Variants in MCU observed in about 807,000 individuals in gnomAD.
MCU encodes mitochondrial calcium uniporter, also known as calcium uniporter protein, mitochondrial.
MCU carries 12 observed loss-of-function variants against 45.2 expected under a neutral mutation model. That is an observed-to-expected ratio of 0.27 (90% confidence interval 0.17 to 0.43). The LOEUF (loss-of-function observed/expected upper bound fraction) is 0.43, where lower values mean the gene tolerates loss of function less well. Ranked by LOEUF, MCU falls within the 20% of genes least tolerant of loss-of-function variation. The pLI is 1.00. For synonymous variants in MCU, 160 were observed against 165.1 expected (o/e 0.97, Z 0.24); for missense variants, 324 against 436.7 (o/e 0.74, Z 2.30).
At chr10:72,803,676 A>C (rs1384666197) in intron 1 of MCU, among the ~76,000 whole-genome samples, 6 of 151,918 alleles carry the variant, frequency 3.9e-5, no homozygotes, top group Non-Finnish European at 7.4e-5. Flanking sequence ...ACCTAACTTC[A>C]TCAGTTACCA....
Position 72,882,907 on chromosome 10 carries a change from A to C in MCU, c.862-1359A>C, listed in dbSNP as rs1400403525. Among the ~76,000 whole-genome samples the C allele has an allele frequency of 2.6e-5, 4 of 152,244 alleles. No individual in the cohort carries two copies. The East Asian group carries it at 7.7e-4, about 29-fold the overall frequency. ...CATGTGATGTCCCCCCCGGATGCCC[A>C]GCTTTAAAATTTCTCTCTTTTGTAT... On this transcript the variant is annotated intron_variant, in intron 6 of 7. Coordinates refer to ENST00000373053, the MANE Select transcript of MCU (RefSeq NM_138357.3).
chr10:72,750,782 G>A (rs1256034007), intron 1 of MCU, among the ~76,000 whole-genome samples: 3 of 152,112 alleles, frequency 2.0e-5, no homozygotes, highest in South Asian at 4.1e-4. Context: ...TTTGAATTCA[G>A]TTCTTCCTCT....
Position 72,709,065 on chromosome 10 carries a change from G to T in MCU, c.150+16764G>T, listed in dbSNP as rs1330309331. Among the ~76,000 whole-genome samples, 6 of 152,110 alleles carry T rather than the reference G, an allele frequency of 3.9e-5. No homozygotes were observed. The East Asian group carries it at 1.2e-3, about 29-fold the overall frequency. ...GTGGCATCTACCTGGCATGATTGGT[G>T]GGGGTATGGGCCATGCTGGACACTG... is the stretch of plus-strand genomic sequence containing the variant. On this transcript the variant is annotated intron_variant, in intron 1 of 7. Coordinates refer to ENST00000373053, the MANE Select transcript of MCU (RefSeq NM_138357.3).
At chr10:72,808,512 T>G (rs1233885254) in intron 1 of MCU, among the ~76,000 whole-genome samples, 1 of 152,196 alleles carries the variant, frequency 6.6e-6, no homozygotes, top group Non-Finnish European at 1.5e-5. Flanking sequence ...TAGTAACATT[T>G]TTAAAGGTCA....
chr10:72,785,207 G>A (rs553168064), intron 1 of MCU, among the ~76,000 whole-genome samples: 72 of 152,292 alleles, frequency 4.7e-4, no homozygotes, highest in Admixed American at 1.2e-3. Flanking sequence ...TGCTACTGCC[G>A]TCACTTTTCT....
intron 2 of MCU, among the ~76,000 whole-genome samples, chr10:72,838,041 T>G (rs572156147): frequency 1.3e-5 from 2 of 151,820 alleles, no homozygotes; most frequent in Non-Finnish European, 2.9e-5. Flanking sequence ...TTTTGTATAT[T>G]TAGTAGAGAC....
chr10:72,713,173 AG>A (rs1218956300), intron 1 of MCU, among the ~76,000 whole-genome samples: 1 of 152,216 alleles, frequency 6.6e-6, no homozygotes, highest in Non-Finnish European at 1.5e-5. Flanking sequence ...GTGGTATAAT[AG>A]TCTTTTGGCT....
chr10:72,702,620 G>A (rs1287679244), intron 1 of MCU, among the ~76,000 whole-genome samples: 1 of 152,244 alleles, frequency 6.6e-6, no homozygotes, highest in East Asian at 1.9e-4. Context: ...AATGTTCAGC[G>A]GGAGCACTTG....
intron 1 of MCU, among the ~76,000 whole-genome samples, chr10:72,769,713 T>C (rs1050800813): frequency 6.6e-6 from 1 of 152,146 alleles, no homozygotes; most frequent in Admixed American, 6.5e-5. Context: ...CACAATCAAG[T>C]TTAGAACATT....
chr10:72,864,685 A>AG (rs71482534), intron 4 of MCU, among the ~76,000 whole-genome samples: 5 of 151,994 alleles, frequency 3.3e-5, no homozygotes, highest in Non-Finnish European at 7.4e-5. Flanking sequence ...CAAAAGTTGC[A>AG]GGGGGGTGGT....
intron 1 of MCU, among the ~76,000 whole-genome samples, chr10:72,808,949 G>T (rs748261877): frequency 6.6e-6 from 1 of 152,182 alleles, no homozygotes; most frequent in Non-Finnish European, 1.5e-5. Context: ...CATGAGATTT[G>T]GGTGGGGACA....
chr10:72,860,419 A>G lies in MCU; in HGVS notation c.392-4A>G, dbSNP rs200661250. Reference sequence around the variant, plus strand: ...ATGACAAGTTTCATTTGAAATTTTCACAGATGGTGTTCGCGTTGCTGCTTC... The same window carrying G: ...ATGACAAGTTTCATTTGAAATTTTCGCAGATGGTGTTCGCGTTGCTGCTTC... On this transcript the variant is annotated splice_polypyrimidine_tract_variant and splice_region_variant and intron_variant, in intron 3 of 7. Transcript: ENST00000373053. 752 of 1,612,578 alleles carry G rather than the reference A, an allele frequency of 4.7e-4. 11 individuals carry two copies. In the South Asian group the frequency reaches 7.2e-3, roughly 16 times the overall value.
intron 1 of MCU, among the ~76,000 whole-genome samples, chr10:72,778,457 G>T (rs564407130): frequency 6.6e-6 from 1 of 152,272 alleles, no homozygotes; most frequent in African/African-American, 2.4e-5. Context: ...TCATTCATAT[G>T]TGGGAGCTTA....
chr10:72,793,908 C>G (rs1237914778), intron 1 of MCU, among the ~76,000 whole-genome samples: 2 of 152,174 alleles, frequency 1.3e-5, no homozygotes, highest in Non-Finnish European at 2.9e-5. Flanking sequence ...ACAGCTTGAT[C>G]ATACTGTGAG....
At chr10:72,696,185 ATTTTTTTTTT>A in intron 1 of MCU, among the ~76,000 whole-genome samples, 1 of 109,996 alleles carries the variant, frequency 9.1e-6, no homozygotes, top group South Asian at 2.9e-4. Context: ...AAAAAAAAAA[ATTTTTTTTTT>A]TTTTTTTTTT....
At chr10:72,801,533 T>G (rs1459686923) in intron 1 of MCU, among the ~76,000 whole-genome samples, 1 of 151,714 alleles carries the variant, frequency 6.6e-6, no homozygotes, top group South Asian at 2.1e-4. Flanking sequence ...TTGAGAGGCT[T>G]GGACTGACTC....
chr10:72,867,854 CAAAAA>C (rs777086421), intron 4 of MCU, among the ~76,000 whole-genome samples: 2 of 62,898 alleles, frequency 3.2e-5, no homozygotes, highest in African/African-American at 1.1e-4. Flanking sequence ...GACTTTGTCT[CAAAAA>C]AAAAAAAAAA....
At chr10:72,702,981 A>G (rs1024517064) in intron 1 of MCU, among the ~76,000 whole-genome samples, 3 of 88,668 alleles carry the variant, frequency 3.4e-5, no homozygotes, top group African/African-American at 1.4e-4. Context: ...TGTGTCTCAA[A>G]AAAAGAAAAA....
intron 1 of MCU, among the ~76,000 whole-genome samples, chr10:72,726,551 A>C (rs1449412227): frequency 1.3e-5 from 2 of 151,972 alleles, no homozygotes; most frequent in African/African-American, 4.8e-5. Context: ...CATCTTGTAC[A>C]TATCCTTATA....
Sources: gnomAD v4.1 joint callset for allele counts (sites outside exome capture counted in the v4.1 genomes callset) on GRCh38, gnomAD v4.1.1 for gene constraint, MANE v1.5 for transcripts, NCBI Gene and HGNC (gene_info 2026-07-23, HGNC 2026-07-21) for gene names.